The following MICAL2 variants were observed in gnomAD, a reference collection of about 807,000 sequenced individuals.
The protein encoded by MICAL2 is microtubule associated monooxygenase, calponin and LIM domain containing 2.
A neutral mutation model predicts 127.3 loss-of-function variants in MICAL2; 77 were observed. The ratio of observed to expected loss-of-function variants is 0.60; its 90% confidence interval spans 0.50 to 0.73. MICAL2 has a LOEUF of 0.73. MICAL2 is among the 30% of genes least tolerant of loss of function. The probability of loss-of-function intolerance (pLI) is 0.00; values close to 1 mark genes in which losing one functional copy is unlikely to be tolerated. For synonymous variants in MICAL2, 570 were observed against 551.1 expected (o/e 1.03, Z -0.48); for missense variants, 1,351 against 1,434.4 (o/e 0.94, Z 0.94).
chr11:12,287,002 A>G (rs1160561137), intron 2 of MICAL2: 2 of 398,458 alleles, frequency 5.0e-6, no homozygotes, highest in Non-Finnish European at 8.9e-6. Flanking sequence ...TAATTGAGCT[A>G]TAGGAGATAA....
At chr11:12,298,036 G>C (rs975022988) in intron 29 of MICAL2, among the ~76,000 whole-genome samples, 3 of 151,162 alleles carry the variant, frequency 2.0e-5, no homozygotes, top group Non-Finnish European at 3.0e-5. Context: ...TATGAACTTA[G>C]TATAAGCTTG....
At chr11:12,318,453 A>G (rs569404825) in intron 29 of MICAL2, among the ~76,000 whole-genome samples, 1 of 152,358 alleles carries the variant, frequency 6.6e-6, no homozygotes, top group African/African-American at 2.4e-5. Context: ...TTTGCTTTGA[A>G]TAACAACATA....
At chr11:12,292,907 C>T (rs552736661), downstream of MICAL2, among the ~76,000 whole-genome samples, 2 of 152,100 alleles carry the variant, frequency 1.3e-5, no homozygotes, top group Non-Finnish European at 2.9e-5. Flanking sequence ...ACAGCCACCC[C>T]TAGAGTCCAC....
chr11:12,115,706 T>G (rs1849956301), intron 1 of MICAL2, among the ~76,000 whole-genome samples: 1 of 152,182 alleles, frequency 6.6e-6, no homozygotes, highest in Non-Finnish European at 1.5e-5. Flanking sequence ...TTCCTTTATC[T>G]TTTGCTTTTT....
chr11:12,336,304 G>A (rs895052901), intron 32 of MICAL2, among the ~76,000 whole-genome samples: 1 of 152,156 alleles, frequency 6.6e-6, no homozygotes, highest in South Asian at 2.1e-4. Context: ...CATTGATTTT[G>A]TATCCTGAGA....
At chr11:12,325,751 GC>G (rs1056987116) in intron 31 of MICAL2, among the ~76,000 whole-genome samples, 3 of 152,138 alleles carry the variant, frequency 2.0e-5, no homozygotes, top group African/African-American at 7.2e-5. Context: ...CTCCTTAAAG[GC>G]CCTATCTCCA....
chr11:12,350,631 G>C (rs1043767994), intron 33 of MICAL2, among the ~76,000 whole-genome samples: 1 of 152,122 alleles, frequency 6.6e-6, no homozygotes, highest in African/African-American at 2.4e-5. Context: ...ACTCTTCCCT[G>C]CCTGGGTTCT....
intron 29 of MICAL2, among the ~76,000 whole-genome samples, chr11:12,311,576 A>G (rs1864175163): frequency 6.6e-6 from 1 of 151,892 alleles, no homozygotes; most frequent in Non-Finnish European, 1.5e-5. Context: ...TAATTTTTGT[A>G]TTTTTCTTAG....
chr11:12,187,229 T>C (rs1184878955), intron 3 of MICAL2, among the ~76,000 whole-genome samples: 8 of 152,266 alleles, frequency 5.3e-5, no homozygotes, highest in Admixed American at 4.6e-4. Context: ...TTTTTAACTG[T>C]ATTTTATGTT....
At chr11:12,131,098 T>C (rs1352089096) in intron 1 of MICAL2, among the ~76,000 whole-genome samples, 2 of 91,650 alleles carry the variant, frequency 2.2e-5, no homozygotes, top group Non-Finnish European at 5.4e-5. Context: ...TCGAGACCAT[T>C]CTGGCTAACA....
intron 1 of MICAL2, among the ~76,000 whole-genome samples, chr11:12,118,436 C>T (rs1013611337): frequency 6.6e-6 from 1 of 152,148 alleles, no homozygotes; most frequent in African/African-American, 2.4e-5. Context: ...TCCCCTTCTG[C>T]TCTTCCTGCG....
chr11:12,153,585 G>T (rs1042546626), intron 2 of MICAL2, among the ~76,000 whole-genome samples: 5 of 151,908 alleles, frequency 3.3e-5, no homozygotes, highest in Admixed American at 3.3e-4. Context: ...TTACAGGCAC[G>T]TGCCACCACA....
chr11:12,319,990 A>C (rs1381334952), intron 30 of MICAL2, among the ~76,000 whole-genome samples: 1 of 152,184 alleles, frequency 6.6e-6, no homozygotes, highest in East Asian at 1.9e-4. Flanking sequence ...CTTTAAAAAA[A>C]ACTTGTAGAA....
downstream of MICAL2, among the ~76,000 whole-genome samples, chr11:12,290,829 A>G (rs542384142): frequency 9.9e-5 from 15 of 152,284 alleles, 1 homozygote; most frequent in South Asian, 3.1e-3. Flanking sequence ...GTATGGGGGA[A>G]GGCAGGACAG....
downstream of MICAL2, among the ~76,000 whole-genome samples, chr11:12,290,067 G>A (rs1163936622): frequency 6.6e-6 from 1 of 152,184 alleles, no homozygotes; most frequent in Non-Finnish European, 1.5e-5. Context: ...GTGGGCATCA[G>A]GAAGGGTAGG....
intron 2 of MICAL2, among the ~76,000 whole-genome samples, chr11:12,283,030 T>A (rs547760819): frequency 6.6e-6 from 1 of 152,098 alleles, no homozygotes; most frequent in Non-Finnish European, 1.5e-5. Flanking sequence ...AGTAGGTAAG[T>A]GGGTAGAATG....
chr11:12,162,556 AG>A (rs1421081380), intron 3 of MICAL2, 137 bp downstream of exon 3: 7 of 1,164,896 alleles, frequency 6.0e-6, no homozygotes, highest in African/African-American at 3.1e-5. Context: ...CCTCCGGTAA[AG>A]GTTTCCTTTG....
At chr11:12,326,084 C>G (rs1434291508) in intron 31 of MICAL2, among the ~76,000 whole-genome samples, 1 of 152,194 alleles carries the variant, frequency 6.6e-6, no homozygotes, top group East Asian at 1.9e-4. Flanking sequence ...GGCCCCACCC[C>G]TCCCTGCTTG....
intron 32 of MICAL2, among the ~76,000 whole-genome samples, chr11:12,333,468 T>A (rs1462307652): frequency 6.6e-6 from 1 of 152,108 alleles, no homozygotes; most frequent in African/African-American, 2.4e-5. Flanking sequence ...TAAAAATCAG[T>A]AATAAAATAA....
Sources: gnomAD v4.1 joint callset for allele counts (sites outside exome capture counted in the v4.1 genomes callset) on GRCh38, gnomAD v4.1.1 for gene constraint, MANE v1.5 for transcripts, NCBI Gene and HGNC (gene_info 2026-07-23, HGNC 2026-07-21) for gene names.